Variants in COL4A1 observed in about 807,000 individuals in gnomAD.
The protein encoded by COL4A1 is collagen alpha-1(IV) chain.
COL4A1 carries 40 observed loss-of-function variants against 216.6 expected under a neutral mutation model. The ratio of observed to expected loss-of-function variants is 0.18; its 90% CI spans 0.14 to 0.24. COL4A1 has a LOEUF of 0.24. Among genes scored for constraint, COL4A1 ranks in the 10% least tolerant of loss-of-function variants. The pLI is 1.00. For missense variants in COL4A1, 1,628 were observed against 2,196.8 expected (o/e 0.74, Z 5.18); for synonymous variants, 839 against 810.7 (o/e 1.03, Z -0.59).
At chr13:110,275,665 T>C (rs947638972) in intron 1 of COL4A1, among the ~76,000 whole-genome samples, 1 of 152,132 alleles carries the variant, frequency 6.6e-6, no homozygotes. Flanking sequence ...TTTCACTAGG[T>C]GAACAAACAA....
At chr13:110,301,811 G>A (rs1015537608) in intron 1 of COL4A1, among the ~76,000 whole-genome samples, 2 of 152,172 alleles carry the variant, frequency 1.3e-5, no homozygotes, top group African/African-American at 4.8e-5. Context: ...ATGTCGAGGA[G>A]TAGCAAGGAA....
In COL4A1 at chr13:110,253,071, T is replaced by G. The variant is rs10851241; in HGVS notation, c.85-10337A>C. Among the ~76,000 whole-genome samples, 27 of 43,202 alleles carry G rather than the reference T, an allele frequency of 6.2e-4. 3 individuals are homozygous for G. The highest frequency in any genetic ancestry group is 9.2e-4 in the Admixed American group (4 of 4,370). 28.3% of individuals were successfully genotyped at this position (43,202 alleles called of 152,430 possible). On this transcript the variant is annotated intron_variant, in intron 1 of 51. Coordinates refer to ENST00000375820, the MANE Select transcript of COL4A1 (RefSeq NM_001845.6). Reference sequence around the variant, plus strand: ...TAAGTACGTATGTATTACATATACATATAACTATAAGTACGTATGTATTAC... The same window carrying G: ...TAAGTACGTATGTATTACATATACAGATAACTATAAGTACGTATGTATTAC...
chr13:110,184,115 C>T (rs971376144), intron 26 of COL4A1, among the ~76,000 whole-genome samples: 3 of 152,210 alleles, frequency 2.0e-5, no homozygotes, highest in African/African-American at 7.2e-5. Context: ...CAGTTACACA[C>T]AGCTCTGGCA....
chr13:110,258,549 G>C (rs1238332726), intron 1 of COL4A1, among the ~76,000 whole-genome samples: 1 of 151,866 alleles, frequency 6.6e-6, no homozygotes, highest in Non-Finnish European at 1.5e-5. Flanking sequence ...CAAAAAAAAA[G>C]AAAAGAAAAT....
intron 12 of COL4A1, 64 bp downstream of exon 12, chr13:110,208,785 G>A: frequency 6.9e-7 from 1 of 1,445,386 alleles, no homozygotes; most frequent in Non-Finnish European, 9.7e-7. Context: ...ATCCAAAGGT[G>A]GGAACTGTCA....
intron 49 of COL4A1, among the ~76,000 whole-genome samples, chr13:110,157,595 G>T (rs1011813266): frequency 3.3e-5 from 5 of 152,214 alleles, no homozygotes; most frequent in African/African-American, 1.2e-4. Context: ...ACATGCCTGG[G>T]AAGGTCCCTT....
Position 110,183,332 on chromosome 13 carries a change from A to G in COL4A1, c.1898-56T>C, listed in dbSNP as rs1878263538. 4 of 1,534,666 alleles carry G rather than the reference A, an allele frequency of 2.6e-6. No individual in the cohort carries two copies. In the Admixed American group the frequency reaches 7.2e-5, roughly 28 times the overall value. The stretch of plus-strand genomic sequence containing the variant: ...TGAAGGAATGAGGACCACACGGAAC[A>G]CAGGGAGGACACGCAGTGGGTGGGC... On this transcript the variant is annotated intron_variant, in intron 26 of 51. Transcript: ENST00000375820.
intron 1 of COL4A1, among the ~76,000 whole-genome samples, chr13:110,266,374 C>A (rs1276658521): frequency 2.6e-5 from 4 of 152,182 alleles, no homozygotes; most frequent in Non-Finnish European, 5.9e-5. Flanking sequence ...AACTCTGTCG[C>A]CACGAATCCT....
chr13:110,263,644 T>C (rs1442881337), intron 1 of COL4A1, among the ~76,000 whole-genome samples: 1 of 152,136 alleles, frequency 6.6e-6, no homozygotes, highest in East Asian at 1.9e-4. Flanking sequence ...ATCATCAAAA[T>C]GGAATTTGAT....
chr13:110,214,644 C>A (rs1879982202), intron 2 of COL4A1, among the ~76,000 whole-genome samples: 1 of 152,200 alleles, frequency 6.6e-6, no homozygotes, highest in Non-Finnish European at 1.5e-5. Flanking sequence ...TCTTCTCCTG[C>A]CCTTGGACAT....
chr13:110,214,843 G>T (rs17592979), intron 2 of COL4A1, among the ~76,000 whole-genome samples: 36,053 of 152,072 alleles, frequency 0.24, 4,247 homozygotes, highest in East Asian at 0.32. Context: ...AATCTAAGCA[G>T]CATCCAGCCT....
intron 1 of COL4A1, among the ~76,000 whole-genome samples, chr13:110,258,005 C>A (rs559110461): frequency 6.6e-6 from 1 of 152,302 alleles, no homozygotes; most frequent in African/African-American, 2.4e-5. Flanking sequence ...AAATAGCCCT[C>A]GTTTCTTTCT....
chr13:110,198,635 C>A lies in COL4A1; in HGVS notation c.1121-4G>T, dbSNP rs1440896230. ...GCCTGCCCAGGTACAGGGAGGCCTGCAACCAGACAGAAGCTCACATCAGTA... is the reference window on the plus strand; with the variant it reads ...GCCTGCCCAGGTACAGGGAGGCCTGAAACCAGACAGAAGCTCACATCAGTA... On this transcript the variant is annotated splice_region_variant and splice_polypyrimidine_tract_variant and intron_variant, in intron 20 of 51. Coordinates refer to ENST00000375820, the MANE Select transcript of COL4A1 (RefSeq NM_001845.6). 1 of 1,613,986 alleles carries A rather than the reference C, an allele frequency of 6.2e-7. No homozygotes were observed. The highest frequency in any genetic ancestry group is 1.7e-5 in the Admixed American group (1 of 60,028).
chr13:110,213,261 A>G lies in COL4A1; in HGVS notation c.279+521T>C, dbSNP rs1375091386. 7.0e-5 allele frequency among the ~76,000 whole-genome samples: 9 copies of G among 127,664 alleles called. 1 individual carries two copies. In the South Asian group the frequency reaches 2.2e-3, roughly 31 times the overall value. The allele number at this position is 127,664 out of a possible 152,430, so 83.8% of individuals were successfully genotyped here. ...CCAAACACCACCTGTACCAAAAAAA[A>G]TTGAAATAAAAAAAAACAAAAAAAT... On this transcript the variant is annotated intron_variant, in intron 4 of 51. Coordinates refer to ENST00000375820, the MANE Select transcript of COL4A1 (RefSeq NM_001845.6).
intron 1 of COL4A1, among the ~76,000 whole-genome samples, chr13:110,301,302 C>T (rs995209682): frequency 6.6e-6 from 1 of 152,206 alleles, no homozygotes; most frequent in Non-Finnish European, 1.5e-5. Context: ...GTAATTAATT[C>T]CTGATTTCCT....
chr13:110,192,207 T>C lies in COL4A1; in HGVS notation c.1536+7A>G. ...ATATGTACATGAACTCAGACAGGTT[T>C]ACTTACTGGCACTCCTGCAACACCA... is the stretch of plus-strand genomic sequence containing the variant. On this transcript the variant is annotated splice_region_variant and intron_variant, in intron 24 of 51. Coordinates refer to ENST00000375820, the MANE Select transcript of COL4A1 (RefSeq NM_001845.6). 2 of 1,614,150 alleles carry C rather than the reference T, an allele frequency of 1.2e-6. No individual in the cohort carries two copies. Among genetic ancestry groups the C allele is most frequent in the Non-Finnish European group, 1.7e-6 (2 of 1,179,984 alleles).
At chr13:110,259,014 G>A (rs764972678) in intron 1 of COL4A1, among the ~76,000 whole-genome samples, 22 of 152,216 alleles carry the variant, frequency 1.4e-4, no homozygotes, top group Non-Finnish European at 2.5e-4. Flanking sequence ...GATCCTTTGC[G>A]GATGCAAAGA....
Position 110,178,130 on chromosome 13 carries a change from T to C in COL4A1, c.2560A>G (p.Thr854Ala), listed in dbSNP as rs756949024. The C allele has an allele frequency of 2.1e-5, 34 of 1,614,074 alleles. No homozygotes were observed. The Admixed American group carries it at 5.3e-4, about 25-fold the overall frequency. ...DKGAQGLPGITGQSGLPGLPG... is the reference protein window; with the variant it reads ...DKGAQGLPGIAGQSGLPGLPG... ...AGGCCAGGGAGCCCCGACTGTCCCG[T>C]TATGCCAGGGAGTCCTTGAGCCCCT... Residue 854 changes from threonine (T) to alanine (A), a missense_variant, in exon 32 of 52, where the codon ACG becomes GCG. Physicochemically the swap from Thr to Ala is moderately conservative, Grantham distance 58. Around this residue, in one of 8 missense-constraint regions of COL4A1, gnomAD observed 701 missense variants for 892.5 expected, o/e 0.79. Coordinates refer to ENST00000375820, the MANE Select transcript of COL4A1 (RefSeq NM_001845.6).
intron 24 of COL4A1, chr13:110,191,536 T>C: frequency 1.7e-6 from 1 of 583,082 alleles, no homozygotes; most frequent in Non-Finnish European, 3.0e-6. Context: ...GCTCTTCTAT[T>C]TAGTGGATTC....
Sources: gnomAD v4.1 joint callset for allele counts (sites outside exome capture counted in the v4.1 genomes callset) on GRCh38, gnomAD v4.1.1 for gene constraint, gnomAD v4.1.1 regional missense constraint, MANE v1.5 for transcripts, NCBI Gene and HGNC (gene_info 2026-07-23, HGNC 2026-07-21) for gene names.